Variants in CGREF1 observed in about 807,000 individuals in gnomAD.
CGREF1 encodes cell growth regulator with EF-hand domain 1, also known as cell growth regulator with EF hand domain protein 1.
Under a neutral mutation model 17.4 loss-of-function variants are expected in CGREF1, and 16 were observed. The ratio of observed to expected loss-of-function variants is 0.92; its 90% CI spans 0.62 to 1.40. CGREF1 has a LOEUF of 1.40. Among genes scored for constraint, CGREF1 ranks in the 40% most tolerant of loss-of-function variants. The pLI, the probability that CGREF1 is intolerant of heterozygous loss-of-function variation, is 0.00. For synonymous variants in CGREF1, 142 were observed against 154.6 expected, an observed-to-expected ratio of 0.92 and a Z score of 0.61; for missense variants, 296 against 376.4, an observed-to-expected ratio of 0.79 and a Z score of 1.77.
chr2:27,104,611 T>G, intron 1 of CGREF1: 1 of 1,550,610 alleles, frequency 6.4e-7, no homozygotes, highest in Non-Finnish European at 8.7e-7. Context: ...AGGCCTGCTG[T>G]GGCGGAAGCA....
rs761774284 is a variant in CGREF1, at chr2:27,104,245, C to A, written c.80+42G>T. On this transcript the variant is annotated intron_variant, in intron 2 of 5. Transcript: ENST00000402394. ...CACCCTTGGATTCTCTAGAGACTTT[C>A]CCTCCTCCCAGCCCTTGGCCCTGCC... 12 of 1,517,338 alleles carry A rather than the reference C, an allele frequency of 7.9e-6. No individual in the cohort carries two copies. The East Asian group carries it at 1.1e-4, about 14-fold the overall frequency. The allele number at this position is 1,517,338 out of a possible 1,614,324, so 94.0% of individuals were successfully genotyped here.
At chr2:27,116,923 CT>C (rs56355405) in intron 1 of CGREF1, among the ~76,000 whole-genome samples, 3 of 53,016 alleles carry the variant, frequency 5.7e-5, no homozygotes, top group South Asian at 5.1e-4. Flanking sequence ...CTCTCTCTCT[CT>C]TTTTTTGAGA....
chr2:27,111,760 G>A (rs543285284), intron 1 of CGREF1, among the ~76,000 whole-genome samples: 2 of 151,852 alleles, frequency 1.3e-5, no homozygotes, highest in East Asian at 3.9e-4. Context: ...CGGCAGCTCC[G>A]AGTGCTGGGC....
intron 1 of CGREF1, among the ~76,000 whole-genome samples, chr2:27,112,597 A>G (rs1671430428): frequency 6.6e-6 from 1 of 152,238 alleles, no homozygotes; most frequent in Admixed American, 6.5e-5. Flanking sequence ...CTTGGGGATT[A>G]CATAAAAGAA....
downstream of CGREF1, chr2:27,099,964 G>A (rs183949231): frequency 2.3e-3 from 2,457 of 1,050,782 alleles, 10 homozygotes; most frequent in Non-Finnish European, 3.0e-3. Context: ...ATCTTCCTCA[G>A]AGCCAGCTTC....
downstream of CGREF1, chr2:27,099,687 G>A (rs1263921052): frequency 6.2e-6 from 10 of 1,614,068 alleles, no homozygotes; most frequent in South Asian, 7.7e-5. Context: ...AGGAAGCACT[G>A]AGATTCGGGT....
chr2:27,111,459 A>G (rs538457725), intron 1 of CGREF1, among the ~76,000 whole-genome samples: 1 of 152,348 alleles, frequency 6.6e-6, no homozygotes, highest in African/African-American at 2.4e-5. Context: ...CACCCAGTGG[A>G]TCCTGCACCG....
At chr2:27,105,899 A>G (rs1239085855) in intron 1 of CGREF1, among the ~76,000 whole-genome samples, 1 of 152,228 alleles carries the variant, frequency 6.6e-6, no homozygotes, top group Non-Finnish European at 1.5e-5. Context: ...GTGAGTATAC[A>G]TAATTTGTTG....
chr2:27,106,047 G>A (rs1014141087), intron 1 of CGREF1, among the ~76,000 whole-genome samples: 3 of 152,156 alleles, frequency 2.0e-5, no homozygotes, highest in Admixed American at 6.5e-5. Flanking sequence ...TCCTGGGCCC[G>A]TTCAAGGTAG....
rs1292634431 is a variant in CGREF1 at position 27,100,791 on chromosome 2, TTAA to T, written c.*480_*482del. ...GGCTCTCAAAAAGTTCTAGTGATGATTAATATTACTGGGGATGGGGTCACCTGC... is the reference window on the plus strand; with the variant it reads ...GGCTCTCAAAAAGTTCTAGTGATGATTATTACTGGGGATGGGGTCACCTGC... On this transcript the variant is annotated 3_prime_UTR_variant, in exon 6 of 6. Coordinates refer to ENST00000402394, the MANE Select transcript of CGREF1 (RefSeq NM_006569.6). The T allele has an allele frequency of 1.8e-4, 200 of 1,107,110 alleles. 1 individual carries two copies. In the African/African-American group the frequency reaches 2.9e-3, roughly 16 times the overall value. 68.6% of individuals were successfully genotyped at this position (1,107,110 alleles called of 1,614,324 possible).
Position 27,101,934 on chromosome 2 carries a change from C to T in CGREF1, c.343-46G>A, listed in dbSNP as rs1178115227. On this transcript the variant is annotated intron_variant, in intron 5 of 5. Transcript: ENST00000402394. ...TGGGGTCTCCAGGGACAGAGATGTTCCCAGGAGTTCTGACCCTCCCTAACA... is the reference window on the plus strand; with the variant it reads ...TGGGGTCTCCAGGGACAGAGATGTTTCCAGGAGTTCTGACCCTCCCTAACA... The T allele has an allele frequency of 1.9e-6, 3 of 1,594,554 alleles. No homozygotes were observed. In the Admixed American group the frequency reaches 5.1e-5, roughly 27 times the overall value.
intron 1 of CGREF1, among the ~76,000 whole-genome samples, chr2:27,110,054 A>G (rs1172034460): frequency 6.6e-6 from 1 of 151,944 alleles, no homozygotes; most frequent in Non-Finnish European, 1.5e-5. Flanking sequence ...GGAAAAGATG[A>G]AAAAGAAGAA....
At chr2:27,115,086 G>A (rs1671523682) in intron 1 of CGREF1, among the ~76,000 whole-genome samples, 1 of 152,194 alleles carries the variant, frequency 6.6e-6, no homozygotes. Flanking sequence ...CACTGCCATA[G>A]TAATTGGAAA....
chr2:27,111,526 C>T (rs1671381874), intron 1 of CGREF1, among the ~76,000 whole-genome samples: 1 of 152,246 alleles, frequency 6.6e-6, no homozygotes, highest in African/African-American at 2.4e-5. Flanking sequence ...CTCCTCAGCC[C>T]TTGGGTGGTC....
chr2:27,110,325 G>A (rs1321015722), intron 1 of CGREF1, among the ~76,000 whole-genome samples: 1 of 152,042 alleles, frequency 6.6e-6, no homozygotes, highest in African/African-American at 2.4e-5. Flanking sequence ...ACATTTGAAC[G>A]TGGGACATTG....
At position 27,100,807 on chromosome 2, in the gene CGREF1, TG is replaced by T. The variant is rs1262908210; in HGVS notation, c.*466del. On this transcript the variant is annotated 3_prime_UTR_variant, in exon 6 of 6. Transcript: ENST00000402394. ...TAGTGATGATTAATATTACTGGGGA[TG>T]GGGTCACCTGCCCTGAGCTGCAGGA... is the stretch of plus-strand genomic sequence containing the variant. 4 of 1,118,244 alleles carry T rather than the reference TG, an allele frequency of 3.6e-6. No individual in the cohort carries two copies. In the African/African-American group the frequency reaches 5.0e-5, roughly 14 times the overall value. 69.3% of individuals were successfully genotyped at this position (1,118,244 alleles called of 1,614,324 possible).
At chr2:27,103,668 C>T (rs555486973) in intron 2 of CGREF1, among the ~76,000 whole-genome samples, 52 of 151,394 alleles carry the variant, frequency 3.4e-4, no homozygotes, top group African/African-American at 1.1e-3. Context: ...GCCACCACAC[C>T]CAGCCCACCT....
At position 27,102,206 on chromosome 2, in the gene CGREF1, A is replaced by G; in HGVS notation, c.233T>C (p.Phe78Ser). The G allele has an allele frequency of 1.9e-6, 3 of 1,612,098 alleles. No individual in the cohort carries two copies. Among genetic ancestry groups the G allele is most frequent in the Non-Finnish European group, 2.5e-6 (3 of 1,178,356 alleles). ...ACTCTGGTCATAGTCATGGAGGGCAAAGAGGTAGAGGAGAACTAAAGAGAA... is the reference window on the plus strand; with the variant it reads ...ACTCTGGTCATAGTCATGGAGGGCAGAGAGGTAGAGGAGAACTAAAGAGAA... ...LSREQVLLYL[F>S]ALHDYDQSGQ... Residue 78 changes from phenylalanine (F) to serine (S), a missense_variant, in exon 5 of 6, where the codon TTT becomes TCT. Physicochemically the swap from Phe to Ser is radical, Grantham distance 155. This residue lies in a region of CGREF1 where 247 missense variants were observed against 267.2 expected (regional missense o/e 0.92). Coordinates refer to ENST00000402394, the MANE Select transcript of CGREF1 (RefSeq NM_006569.6).
chr2:27,113,470 G>A (rs760296230), intron 1 of CGREF1, among the ~76,000 whole-genome samples: 5 of 152,158 alleles, frequency 3.3e-5, no homozygotes, highest in Non-Finnish European at 7.3e-5. Flanking sequence ...TCTTAAGGTC[G>A]AATTACTTTT....
Sources: gnomAD v4.1 joint callset for allele counts (sites outside exome capture counted in the v4.1 genomes callset) on GRCh38, gnomAD v4.1.1 for gene constraint, gnomAD v4.1.1 regional missense constraint, MANE v1.5 for transcripts, NCBI Gene and HGNC (gene_info 2026-07-23, HGNC 2026-07-21) for gene names.